The following RNF111 variants were observed in gnomAD, a reference collection of about 807,000 sequenced individuals.
RNF111 encodes the protein E3 ubiquitin-protein ligase Arkadia.
Under a neutral mutation model 95.1 loss-of-function variants are expected in RNF111, and 17 were observed. That is an observed-to-expected ratio of 0.18 (90% CI 0.12 to 0.27). The LOEUF (loss-of-function observed/expected upper bound fraction) is 0.27. RNF111 is among the 10% of genes least tolerant of loss of function. The pLI, the probability that RNF111 is intolerant of heterozygous loss-of-function variation, is 1.00. For missense variants in RNF111, 1,189 were observed against 1,210.4 expected (o/e 0.98, Z 0.26); for synonymous variants, 440 against 414.8 (o/e 1.06, Z -0.74).
rs776829913 is a variant in RNF111, at chr15:59,031,700, C to T, written c.878C>T (p.Ser293Leu). ...ENHQNNPAVP[S>L]GSIDEDVVVI... ...CACCAAAACAATCCAGCTGTTCCCT[C>T]AGGTAAAAATGTTTAAGCTGAGTAA... Residue 293 changes from serine (S) to leucine (L), a missense_variant and splice_region_variant, in exon 2 of 14, where the codon TCA becomes TTA. By Grantham distance (145) the Ser-to-Leu change is moderately radical. Transcript: ENST00000348370. 6.2e-7 allele frequency: 1 copy of T among 1,612,100 alleles called. No individual in the cohort carries two copies. Among genetic ancestry groups the T allele is most frequent in the Non-Finnish European group, 8.5e-7 (1 of 1,179,102 alleles).
At chr15:59,087,510 A>G (rs2078932033) in intron 10 of RNF111, among the ~76,000 whole-genome samples, 2 of 152,228 alleles carry the variant, frequency 1.3e-5, no homozygotes, top group Admixed American at 1.3e-4. Context: ...ACAGTTGATC[A>G]ACACATATTC....
At chr15:59,092,056 A>G (rs186138076) in intron 12 of RNF111, among the ~76,000 whole-genome samples, 142 of 152,316 alleles carry the variant, frequency 9.3e-4, no homozygotes, top group Admixed American at 3.8e-3. Flanking sequence ...GAATAATCAT[A>G]AAGTGTGAAA....
intron 5 of RNF111, among the ~76,000 whole-genome samples, chr15:59,064,513 G>A (rs1479805057): frequency 1.4e-5 from 2 of 142,066 alleles, no homozygotes; most frequent in Admixed American, 1.5e-4. Context: ...TCTAGCCTGG[G>A]CGACAGAGCA....
chr15:59,040,007 G>A (rs1428539487), intron 2 of RNF111, among the ~76,000 whole-genome samples: 5 of 152,142 alleles, frequency 3.3e-5, no homozygotes, highest in Middle Eastern at 3.4e-3. Flanking sequence ...GAGCCACTGC[G>A]CCCTGCCCGA....
In RNF111 at chr15:58,995,168, C is replaced by T. The variant is rs952629037; in HGVS notation, c.-20+7100C>T. Reference sequence around the variant, plus strand: ...CTGTTCCTCATCACTCCCCACATCCCCCAAGGCCCATGTAGCATCCATTGA... The same window carrying T: ...CTGTTCCTCATCACTCCCCACATCCTCCAAGGCCCATGTAGCATCCATTGA... On this transcript the variant is annotated intron_variant, in intron 1 of 13. Coordinates refer to ENST00000348370, the MANE Select transcript of RNF111 (RefSeq NM_017610.8). Among the ~76,000 whole-genome samples, 7 of 152,320 alleles carry T rather than the reference C, an allele frequency of 4.6e-5. 1 individual carries two copies. In the South Asian group the frequency reaches 1.2e-3, roughly 27 times the overall value.
chr15:59,068,327 G>T (rs1002905512), intron 6 of RNF111, among the ~76,000 whole-genome samples: 27 of 152,160 alleles, frequency 1.8e-4, no homozygotes, highest in African/African-American at 6.5e-4. Flanking sequence ...AGTCAAAGAG[G>T]CTGGCATGGT....
chr15:59,033,624 C>G (rs777026242), intron 2 of RNF111, among the ~76,000 whole-genome samples: 3 of 152,106 alleles, frequency 2.0e-5, no homozygotes, highest in Non-Finnish European at 4.4e-5. Context: ...TGATGTGGAG[C>G]AGAAGTTCTA....
At chr15:59,093,800 GA>G (rs1415606301) in intron 13 of RNF111, among the ~76,000 whole-genome samples, 2 of 151,784 alleles carry the variant, frequency 1.3e-5, no homozygotes, top group Admixed American at 1.3e-4. Flanking sequence ...AGTTGGCTGA[GA>G]AAAAAATTGT....
intron 1 of RNF111, among the ~76,000 whole-genome samples, chr15:59,009,498 A>G (rs554849829): frequency 6.6e-6 from 1 of 151,134 alleles, no homozygotes; most frequent in East Asian, 2.0e-4. Context: ...AAATTATCAA[A>G]TTCTAAAGAA....
In RNF111 at chr15:59,052,342, C is replaced by G. The variant is rs1218453478; in HGVS notation, c.918C>G (p.Ser306=). Residue 306 remains serine (S), a synonymous_variant, in exon 3 of 14, where the codon TCC becomes TCG. Coordinates refer to ENST00000348370, the MANE Select transcript of RNF111 (RefSeq NM_017610.8). The part of the protein sequence containing the change: ...IDEDVVVIEA[S]STPQVTANEE... ...AAGATGTTGTGGTGATAGAAGCTTC[C>G]TCCACTCCCCAGGTTACTGCCAATG... 3 of 1,602,782 alleles carry G rather than the reference C, an allele frequency of 1.9e-6. No individual in the cohort carries two copies. The highest frequency in any genetic ancestry group is 2.6e-6 in the Non-Finnish European group (3 of 1,175,506).
At chr15:58,999,803 C>T (rs1381625962) in intron 1 of RNF111, among the ~76,000 whole-genome samples, 1 of 152,066 alleles carries the variant, frequency 6.6e-6, no homozygotes, top group East Asian at 1.9e-4. Context: ...TTATAGGAAG[C>T]GTGGCAGCAT....
intron 1 of RNF111, among the ~76,000 whole-genome samples, chr15:59,012,888 G>C (rs2039893415): frequency 6.6e-6 from 1 of 152,026 alleles, no homozygotes; most frequent in South Asian, 2.1e-4. Context: ...ACAGGTGCCT[G>C]ACACCACACC....
chr15:59,010,087 T>C (rs1231211558), intron 1 of RNF111, among the ~76,000 whole-genome samples: 2 of 152,248 alleles, frequency 1.3e-5, no homozygotes, highest in Admixed American at 6.5e-5. Context: ...ACATTTTGTT[T>C]ATGCCCTCAC....
At chr15:59,039,250 C>G (rs1246571908) in intron 2 of RNF111, among the ~76,000 whole-genome samples, 3 of 152,184 alleles carry the variant, frequency 2.0e-5, no homozygotes, top group African/African-American at 7.2e-5. Flanking sequence ...AGGTGTGAGC[C>G]ACCACTCCCG....
At chr15:59,016,047 T>G (rs577232286) in intron 1 of RNF111, among the ~76,000 whole-genome samples, 36 of 151,870 alleles carry the variant, frequency 2.4e-4, no homozygotes, top group African/African-American at 8.5e-4. Context: ...GACAGGGTTT[T>G]GCCATGTTTT....
intron 1 of RNF111, among the ~76,000 whole-genome samples, chr15:59,002,517 A>G (rs1201700158): frequency 6.6e-6 from 1 of 151,886 alleles, no homozygotes. Context: ...ATGGGAACTG[A>G]AGTTCTGAGT....
intron 2 of RNF111, among the ~76,000 whole-genome samples, chr15:59,050,561 T>G (rs961974596): frequency 2.0e-5 from 3 of 152,246 alleles, no homozygotes; most frequent in Admixed American, 6.5e-5. Flanking sequence ...AAAATACGTG[T>G]AATATTTAAG....
chr15:59,076,339 G>A (rs1463352751), intron 7 of RNF111, 124 bp downstream of exon 7: 3 of 1,129,196 alleles, frequency 2.7e-6, no homozygotes. Context: ...TTAAGAGTAG[G>A]GTATATTTTT....
chr15:59,022,279 T>C (rs748582171), intron 1 of RNF111, among the ~76,000 whole-genome samples: 8 of 152,224 alleles, frequency 5.3e-5, no homozygotes, highest in Non-Finnish European at 1.2e-4. Context: ...GTCTTTGTAC[T>C]TAGAGGCGAC....
Sources: allele counts gnomAD v4.1 joint callset (sites outside exome capture counted in the v4.1 genomes callset), GRCh38; gene constraint gnomAD v4.1.1; transcripts MANE v1.5; gene names NCBI Gene and HGNC (gene_info 2026-07-23, HGNC 2026-07-21).